The following ZNF397 variants were observed in gnomAD, a reference collection of about 807,000 sequenced individuals.
ZNF397 encodes zinc finger protein 397.
In ZNF397, 38 loss-of-function variants were observed where a neutral mutation model predicts 50.6. The observed-to-expected ratio is 0.75, with a 90% CI of 0.58 to 0.98. The LOEUF (loss-of-function observed/expected upper bound fraction) is 0.98, where lower values mean the gene tolerates loss of function less well. Ranked by LOEUF, ZNF397 falls within the 50% of genes least tolerant of loss-of-function variation. The pLI is 0.00. For missense variants in ZNF397, 624 were observed against 624.1 expected, an observed-to-expected ratio of 1.00 and a Z score of 0.00; for synonymous variants, 228 against 215.2, an observed-to-expected ratio of 1.06 and a Z score of -0.52.
At position 35,245,252 on chromosome 18, in the gene ZNF397, A is replaced by G. The variant is rs764790152; in HGVS notation, c.557-10A>G. 7.0e-6 allele frequency: 11 copies of G among 1,571,386 alleles called. No homozygotes were observed. The highest frequency in any genetic ancestry group is 5.8e-5 in the Admixed American group (3 of 52,080). On this transcript the variant is annotated splice_polypyrimidine_tract_variant and intron_variant, in intron 3 of 3. Transcript: ENST00000330501. ...TGTAATATCTGTTTTTTTGCTACTT[A>G]TTGTTTCAGATTGTGAGAACAGTGA...
chr18:35,242,968 T>C (rs760190245), intron 2 of ZNF397, 84 bp downstream of exon 2: 4 of 1,514,652 alleles, frequency 2.6e-6, no homozygotes, highest in Non-Finnish European at 3.5e-6. Context: ...ATAAAAATTT[T>C]TATGTCTCTA....
In ZNF397 at chr18:35,242,503, G is replaced by A; in HGVS notation, c.33G>A (p.Leu11=). The A allele has an allele frequency of 1.2e-6, 2 of 1,613,954 alleles. No individual in the cohort carries two copies. Among genetic ancestry groups the A allele is most frequent in the Non-Finnish European group, 1.7e-6 (2 of 1,179,928 alleles). The change falls in exon 2 of 4, where the codon CTG becomes CTA. Residue 11 remains leucine (L), a synonymous_variant. Coordinates refer to ENST00000330501, the MANE Select transcript of ZNF397 (RefSeq NM_001135178.3). MAVESGVIST[L]IPQDPPEQEL... is the part of the protein sequence containing the mutation. Reference sequence around the variant, plus strand: ...TGGAATCTGGAGTGATTTCAACCCTGATACCTCAGGATCCTCCGGAACAAG... The same window carrying A: ...TGGAATCTGGAGTGATTTCAACCCTAATACCTCAGGATCCTCCGGAACAAG...
Position 35,246,188 on chromosome 18 carries a change from G to T in ZNF397, c.1483G>T (p.Ala495Ser). 1 of 1,551,912 alleles carries T rather than the reference G, an allele frequency of 6.4e-7. No homozygotes were observed. The highest frequency in any genetic ancestry group is 8.7e-7 in the Non-Finnish European group (1 of 1,147,038). Reference sequence around the variant, plus strand: ...TGGCAAAACTTTCAAAAGGAGCTCAGCCCTTGTTCAGCATCAGAGAATTCA... The same window carrying T: ...TGGCAAAACTTTCAAAAGGAGCTCATCCCTTGTTCAGCATCAGAGAATTCA... ...ECGKTFKRSS[A>S]LVQHQRIHSG... The change falls in exon 4 of 4, where the codon GCC becomes TCC. Residue 495 changes from alanine (A) to serine (S), a missense_variant. Coordinates refer to ENST00000330501, the MANE Select transcript of ZNF397 (RefSeq NM_001135178.3).
chr18:35,246,037 G>T lies in ZNF397; in HGVS notation c.1332G>T (p.Gln444His). The T allele has an allele frequency of 6.4e-7, 1 of 1,566,372 alleles. No homozygotes were observed. Among genetic ancestry groups the T allele is most frequent in the Non-Finnish European group, 8.7e-7 (1 of 1,155,484 alleles). ...FRQSSELITH[Q>H]RIHSGEKPYE... Reference sequence around the variant, plus strand: ...AGAGCTCAGAGCTGATTACTCATCAGAGAATACATAGTGGAGAGAAACCCT... The same window carrying T: ...AGAGCTCAGAGCTGATTACTCATCATAGAATACATAGTGGAGAGAAACCCT... Residue 444 changes from glutamine (Q) to histidine (H), a missense_variant, in exon 4 of 4, where the codon CAG becomes CAT. Physicochemically the swap from Gln to His is conservative, Grantham distance 24. Transcript: ENST00000330501.
intron 1 of ZNF397, chr18:35,241,671 A>G (rs1054936518): frequency 6.6e-6 from 1 of 152,194 alleles, no homozygotes; most frequent in Non-Finnish European, 1.5e-5. Context: ...TGTGATACCT[A>G]TCATGTTTTT....
chr18:35,245,688 T>G lies in ZNF397; in HGVS notation c.983T>G (p.Leu328Arg). 1.3e-6 allele frequency: 2 copies of G among 1,552,356 alleles called. No individual in the cohort carries two copies. The highest frequency in any genetic ancestry group is 1.7e-6 in the Non-Finnish European group (2 of 1,147,276). ...AAGGCCTTTAGTTTGAGGTCCTATC[T>G]TATTATTCATCAGAGAATTCATAGT... ...CGKAFSLRSY[L>R]IIHQRIHSGE... is the part of the protein sequence containing the mutation. Residue 328 changes from leucine to arginine, a missense_variant, in exon 4 of 4, where the codon CTT becomes CGT. Physicochemically the swap from Leu to Arg is moderately radical, Grantham distance 102. Transcript: ENST00000330501.
Position 35,243,240 on chromosome 18 carries a change from A to G in ZNF397, c.503A>G (p.Gln168Arg). 6.2e-7 allele frequency: 1 copy of G among 1,614,246 alleles called. No homozygotes were observed. The highest frequency in any genetic ancestry group is 8.5e-7 in the Non-Finnish European group (1 of 1,180,050). Residue 168 changes from glutamine (Q) to arginine (R), a missense_variant, in exon 3 of 4, where the codon CAG (glutamine) becomes CGG (arginine). Transcript: ENST00000330501. ...ASQESTDIHLQPLKTQLKSWK... is the reference protein window; with the variant it reads ...ASQESTDIHLRPLKTQLKSWK... ...CAAGAGTCAACAGACATCCACCTCC[A>G]GCCCTTAAAGACACAGCTGAAATCC...
Position 35,246,516 on chromosome 18 carries a change from A to G in ZNF397, c.*206A>G. Reference sequence around the variant, plus strand: ...ACTAATCAGAACAGAATACAGAAGAATCATTACTTCCAGCTCTTCTCTTAT... The same window carrying G: ...ACTAATCAGAACAGAATACAGAAGAGTCATTACTTCCAGCTCTTCTCTTAT... On this transcript the variant is annotated 3_prime_UTR_variant, in exon 4 of 4. Transcript: ENST00000330501. 1 of 1,319,270 alleles carries G rather than the reference A, an allele frequency of 7.6e-7. No individual in the cohort carries two copies. The highest frequency in any genetic ancestry group is 9.6e-7 in the Non-Finnish European group (1 of 1,037,670). The allele number at this position is 1,319,270 out of a possible 1,614,324, so 81.7% of individuals were successfully genotyped here.
chr18:35,257,165 G>A (rs1367193499), intron 5 of ZNF397: 2 of 152,250 alleles, frequency 1.3e-5, no homozygotes, highest in African/African-American at 4.8e-5. Context: ...AGTTCAGTGA[G>A]CAATTCCATC....
At position 35,247,707 on chromosome 18, in the gene ZNF397, C is replaced by G. The variant is rs2043506202; in HGVS notation, c.*1397C>G. On this transcript the variant is annotated 3_prime_UTR_variant, in exon 4 of 4. Transcript: ENST00000330501. The stretch of plus-strand genomic sequence containing the variant: ...TTTTTTTTTTGAGATGGAGTTCGCT[C>G]TTGTCCAGGCTGGAGTGCAATGGCA... The G allele has an allele frequency of 8.9e-6, 1 of 112,146 alleles. No homozygotes were observed. The allele number at this position is 112,146 out of a possible 1,614,324, so 6.9% of individuals were successfully genotyped here. A position where few individuals can be genotyped will look rare whatever the true frequency, so the allele number is the denominator to read the frequency against.
chr18:35,249,265 C>G lies in ZNF397; in HGVS notation c.*2955C>G, dbSNP rs1598588512. 2.6e-5 allele frequency: 4 copies of G among 152,308 alleles called. No homozygotes were observed. The allele number at this position is 152,308 out of a possible 1,614,324, so 9.4% of individuals were successfully genotyped here. On this transcript the variant is annotated 3_prime_UTR_variant, in exon 4 of 4. Transcript: ENST00000330501. The stretch of plus-strand genomic sequence containing the variant: ...CATCTCTGGCAATCAATACCAGAAG[C>G]TTTAAGCATTGCCTTTTGACTTTGA...
At position 35,247,972 on chromosome 18, in the gene ZNF397, CTT is replaced by C. The variant is rs1286345646; in HGVS notation, c.*1665_*1666del. On this transcript the variant is annotated 3_prime_UTR_variant, in exon 4 of 4. Coordinates refer to ENST00000330501, the MANE Select transcript of ZNF397 (RefSeq NM_001135178.3). ...GGCGTGAGCCATGGCGCCCAACCAT[CTT>C]TTGCAAATTTTATTAAAGACAATGC... The C allele has an allele frequency of 6.6e-6, 1 of 152,110 alleles. No homozygotes were observed. Among genetic ancestry groups the C allele is most frequent in the Non-Finnish European group, 1.5e-5 (1 of 68,006 alleles). The allele number at this position is 152,110 out of a possible 1,614,324, so 9.4% of individuals were successfully genotyped here.
chr18:35,241,083 A>C lies in ZNF397; in HGVS notation c.-107A>C, dbSNP rs987652665. The C allele has an allele frequency of 1.3e-5, 2 of 152,306 alleles. No individual in the cohort carries two copies. Among genetic ancestry groups the C allele is most frequent in the Non-Finnish European group, 2.9e-5 (2 of 68,186 alleles). 9.4% of individuals were successfully genotyped at this position (152,306 alleles called of 1,614,324 possible). A position where few individuals can be genotyped will look rare whatever the true frequency, so the allele number is the denominator to read the frequency against. ...GCTTGCAGCTCGGGGTGGGTGGCTC[A>C]TTTCCTGGCCGCTCCTGGGCTTCGC... On this transcript the variant is annotated 5_prime_UTR_variant, in exon 1 of 4. Transcript: ENST00000330501.
chr18:35,246,656 G>C lies in ZNF397; in HGVS notation c.*346G>C. 9.6e-7 allele frequency: 1 copy of C among 1,039,248 alleles called. No homozygotes were observed. The highest frequency in any genetic ancestry group is 1.2e-6 in the Non-Finnish European group (1 of 863,650). The allele number at this position is 1,039,248 out of a possible 1,614,324, so 64.4% of individuals were successfully genotyped here. ...TGTCACTGCATCTGATTGTTAGTGT[G>C]CCAGGTTATGGGGCTGGTGTGGACT... is the stretch of plus-strand genomic sequence containing the variant. On this transcript the variant is annotated 3_prime_UTR_variant, in exon 4 of 4. Transcript: ENST00000330501.
At chr18:35,253,377 T>A, downstream of ZNF397, 1 of 1,350,650 alleles carries the variant, frequency 7.4e-7, no homozygotes, top group Non-Finnish European at 1.0e-6. Flanking sequence ...CAGGAAACTT[T>A]TCTTTTCTGT....
At chr18:35,257,953 A>C (rs759354688) in exon 6 of ZNF397, 19 of 780,982 alleles carry the variant, frequency 2.4e-5, no homozygotes, top group Non-Finnish European at 4.3e-5. Context: ...CACATCGTCA[A>C]TAAATCACCT....
Position 35,248,929 on chromosome 18 carries a change from A to G in ZNF397, c.*2619A>G, listed in dbSNP as rs17560384. The G allele has an allele frequency of 0.14, 20,873 of 152,192 alleles. 1,516 individuals carry two copies. Among genetic ancestry groups the G allele is most frequent in the South Asian group, 0.18 (856 of 4,826 alleles). 9.4% of individuals were successfully genotyped at this position (152,192 alleles called of 1,614,324 possible). A position where few individuals can be genotyped will look rare whatever the true frequency, so the allele number is the denominator to read the frequency against. ...TATTGTTATTTCTCAGCACGTATGTAGCAGATGAGGAAATGAAGGCTAAAG... is the reference window on the plus strand; with the variant it reads ...TATTGTTATTTCTCAGCACGTATGTGGCAGATGAGGAAATGAAGGCTAAAG... On this transcript the variant is annotated 3_prime_UTR_variant, in exon 4 of 4. Coordinates refer to ENST00000330501, the MANE Select transcript of ZNF397 (RefSeq NM_001135178.3).
At chr18:35,250,562 T>A (rs2143626230), downstream of ZNF397, among the ~76,000 whole-genome samples, 1 of 152,318 alleles carries the variant, frequency 6.6e-6, no homozygotes, top group South Asian at 2.1e-4. Context: ...TCCCCTTCCC[T>A]CATTTCCATA....
At chr18:35,253,806 T>C (rs2043683410), downstream of ZNF397, 1 of 1,614,216 alleles carries the variant, frequency 6.2e-7, no homozygotes, top group East Asian at 2.2e-5. Flanking sequence ...GTGTGGATTC[T>C]CCGATGCCTG....
Sources: gnomAD v4.1 joint callset for allele counts (sites outside exome capture counted in the v4.1 genomes callset) on GRCh38, gnomAD v4.1.1 for gene constraint, MANE v1.5 for transcripts, NCBI Gene and HGNC (gene_info 2026-07-23, HGNC 2026-07-21) for gene names.